STAT4: variants seen among roughly 807,000 people sequenced by gnomAD.
STAT4 encodes signal transducer and activator of transcription 4.
Under a neutral mutation model 110.5 loss-of-function variants are expected in STAT4, and 42 were observed. The ratio of observed to expected loss-of-function variants is 0.38; its 90% CI spans 0.30 to 0.49. The LOEUF is 0.49. Among genes scored for constraint, STAT4 ranks in the 20% least tolerant of loss-of-function variants. The probability of loss-of-function intolerance (pLI) is 0.95; values close to 1 mark genes in which losing one functional copy is unlikely to be tolerated. For missense variants in STAT4, 632 were observed against 887.9 expected, an observed-to-expected ratio of 0.71 and a Z score of 3.66; for synonymous variants, 284 against 302.2, an observed-to-expected ratio of 0.94 and a Z score of 0.63.
At position 191,037,661 on chromosome 2, in the gene STAT4, CTTAGA is replaced by C. The variant is rs1696080093; in HGVS notation, c.1435-1367_1435-1363del. On this transcript the variant is annotated intron_variant, in intron 16 of 23. Transcript: ENST00000392320. The surrounding 1 kb of genome is among the most constrained non-coding windows in gnomAD (Gnocchi z 4.8). ...CGTTGTGAACAAGAGCTAAATTGGG[CTTAGA>C]TTAATCAAGAAAAAGAACCAATTCA... Among the ~76,000 whole-genome samples, 1 of 152,154 alleles carries C rather than the reference CTTAGA, an allele frequency of 6.6e-6. No individual in the cohort carries two copies. Among genetic ancestry groups the C allele is most frequent in the African/African-American group, 2.4e-5 (1 of 41,514 alleles).
Position 191,030,717 on chromosome 2 carries a change from A to G in STAT4, c.2220+255T>C, listed in dbSNP as rs1489842144. 1 of 390,406 alleles carries G rather than the reference A, an allele frequency of 2.6e-6. No individual in the cohort carries two copies. Among genetic ancestry groups the G allele is most frequent in the East Asian group, 5.4e-5 (1 of 18,424 alleles). The allele number at this position is 390,406 out of a possible 1,614,324, so 24.2% of individuals were successfully genotyped here. A position where few individuals can be genotyped will look rare whatever the true frequency, so the allele number is the denominator to read the frequency against. On this transcript the variant is annotated intron_variant, in intron 23 of 23. Coordinates refer to ENST00000392320, the MANE Select transcript of STAT4 (RefSeq NM_003151.4). This position sits in a 1 kb window ranked among gnomAD's most constrained non-coding sequence, Gnocchi z 4.4. ...TAGTGTGCTTGAGTAGGGTATAGGA[A>G]TATTTTGCCCTCTGGTGGTTTCTGG...
rs1696982922 is a variant in STAT4, at chr2:191,066,280, A to G, written c.630+150T>C. On this transcript the variant is annotated intron_variant, in intron 7 of 23. Transcript: ENST00000392320. This position sits in a 1 kb window ranked among gnomAD's most constrained non-coding sequence, Gnocchi z 4.3. Reference sequence around the variant, plus strand: ...AAACTCATGAAGAGAAGCATGGCAAACAGCGTGGGACTGTTCCTAGAAACC... The same window carrying G: ...AAACTCATGAAGAGAAGCATGGCAAGCAGCGTGGGACTGTTCCTAGAAACC... 5 of 664,414 alleles carry G rather than the reference A, an allele frequency of 7.5e-6. No homozygotes were observed. The Middle Eastern group carries it at 1.2e-3, about 166-fold the overall frequency. 41.2% of individuals were successfully genotyped at this position (664,414 alleles called of 1,614,324 possible). A position where few individuals can be genotyped will look rare whatever the true frequency, so the allele number is the denominator to read the frequency against.
intron 3 of STAT4, among the ~76,000 whole-genome samples, chr2:191,137,976 T>C (rs1030566841): frequency 1.3e-5 from 2 of 152,030 alleles, no homozygotes; most frequent in African/African-American, 4.8e-5. Flanking sequence ...TGACCTCAAA[T>C]GCACAGAAAA....
rs1251063095 is a variant in STAT4 at position 191,135,581 on chromosome 2, C to T, written c.273+11032G>A. 6.6e-6 allele frequency among the ~76,000 whole-genome samples: 1 copy of T among 152,146 alleles called. No homozygotes were observed. The highest frequency in any genetic ancestry group is 1.5e-5 in the Non-Finnish European group (1 of 68,014). The stretch of plus-strand genomic sequence containing the variant: ...CTCCGCCTCCCAGGCTCAAGTGATT[C>T]TCCTCCTCATGAGTAGCTGGGACTA... On this transcript the variant is annotated intron_variant, in intron 3 of 23. Coordinates refer to ENST00000392320, the MANE Select transcript of STAT4 (RefSeq NM_003151.4). The surrounding 1 kb of genome is among the most constrained non-coding windows in gnomAD (Gnocchi z 4.8).
chr2:191,109,573 A>T (rs1698372059), intron 3 of STAT4, among the ~76,000 whole-genome samples: 1 of 152,238 alleles, frequency 6.6e-6, no homozygotes. Flanking sequence ...TGTTGGGGTC[A>T]TATGCCTTGT....
intron 6 of STAT4, among the ~76,000 whole-genome samples, chr2:191,068,999 A>T (rs1038191290): frequency 3.3e-5 from 5 of 152,142 alleles, no homozygotes; most frequent in Admixed American, 3.3e-4. Context: ...CATTTATGCA[A>T]TTACTGAAAT....
Position 191,059,646 on chromosome 2 carries a change from C to T in STAT4, c.1035-877G>A, listed in dbSNP as rs3024863. On this transcript the variant is annotated intron_variant, in intron 10 of 23. Coordinates refer to ENST00000392320, the MANE Select transcript of STAT4 (RefSeq NM_003151.4). This position sits in a 1 kb window ranked among gnomAD's most constrained non-coding sequence, Gnocchi z 4.7. ...GTGGCTCTACATAAAAGGAGGGAGT[C>T]CAGGCACACAAATGGAAAACAGAGA... 0.014 allele frequency among the ~76,000 whole-genome samples: 2,136 copies of T among 152,238 alleles called. 51 individuals are homozygous for T. Among genetic ancestry groups the T allele is most frequent in the African/African-American group, 0.049 (2,054 of 41,512 alleles).
chr2:191,036,197 CTGAGT>C lies in STAT4; in HGVS notation c.1532_1536del (p.Asn511ArgfsTer15). 1 of 1,614,132 alleles carries C rather than the reference CTGAGT, an allele frequency of 6.2e-7. No homozygotes were observed. Among genetic ancestry groups the C allele is most frequent in the Middle Eastern group, 1.6e-4 (1 of 6,062 alleles). ...TTCTCTGCCAGCATATGGAGTTGAT[CTGAGT>C]TAAGACCACGACCAACGTACGATGA... On this transcript the variant is annotated frameshift_variant, in exon 17 of 24. Transcript: ENST00000392320. LOFTEE classifies it high-confidence loss of function.
intron 3 of STAT4, among the ~76,000 whole-genome samples, chr2:191,124,222 G>A (rs966705267): frequency 2.0e-5 from 3 of 152,046 alleles, no homozygotes; most frequent in Non-Finnish European, 2.9e-5. Context: ...CTTGGGACGC[G>A]GAGGCTGGCG....
At position 191,032,244 on chromosome 2, in the gene STAT4, A is replaced by C. The variant is rs1695916797; in HGVS notation, c.2044+714T>G. Reference sequence around the variant, plus strand: ...ATATTCTACATGATGGTGCCCAAAGATTTAGTGCTATAGATGAAGATTTTT... The same window carrying C: ...ATATTCTACATGATGGTGCCCAAAGCTTTAGTGCTATAGATGAAGATTTTT... On this transcript the variant is annotated intron_variant, in intron 21 of 23. Transcript: ENST00000392320. The surrounding 1 kb of genome is among the most constrained non-coding windows in gnomAD (Gnocchi z 4.9). 1 of 152,254 alleles carries C rather than the reference A, an allele frequency of 6.6e-6. No homozygotes were observed. The highest frequency in any genetic ancestry group is 2.4e-5 in the African/African-American group (1 of 41,442). The allele number at this position is 152,254 out of a possible 1,614,324, so 9.4% of individuals were successfully genotyped here.
rs890088387 is a variant in STAT4 at position 191,138,697 on chromosome 2, A to G, written c.273+7916T>C. On this transcript the variant is annotated intron_variant, in intron 3 of 23. Coordinates refer to ENST00000392320, the MANE Select transcript of STAT4 (RefSeq NM_003151.4). This position sits in a 1 kb window ranked among gnomAD's most constrained non-coding sequence, Gnocchi z 4.3. Reference sequence around the variant, plus strand: ...AGACATTCAAAGAAGAATTGGTACCAGTCCCACTGAAACTATTGCAAAAGA... The same window carrying G: ...AGACATTCAAAGAAGAATTGGTACCGGTCCCACTGAAACTATTGCAAAAGA... Among the ~76,000 whole-genome samples the G allele has an allele frequency of 1.3e-5, 2 of 152,190 alleles. No individual in the cohort carries two copies. Among genetic ancestry groups the G allele is most frequent in the Non-Finnish European group, 2.9e-5 (2 of 68,026 alleles).
At chr2:191,087,688 T>C (rs1697671516) in intron 3 of STAT4, among the ~76,000 whole-genome samples, 1 of 152,190 alleles carries the variant, frequency 6.6e-6, no homozygotes, top group Admixed American at 6.6e-5. Flanking sequence ...GTAATTTTTC[T>C]TAATGGCTTC....
chr2:191,065,183 C>T (rs183541438), intron 7 of STAT4, among the ~76,000 whole-genome samples: 1 of 152,034 alleles, frequency 6.6e-6, no homozygotes, highest in Admixed American at 6.6e-5. Flanking sequence ...ACATTCTCAT[C>T]GTGTTTCAGT....
chr2:191,043,026 G>A lies in STAT4; in HGVS notation c.1252-1878C>T, dbSNP rs1047510852. Among the ~76,000 whole-genome samples the A allele has an allele frequency of 2.0e-5, 3 of 152,106 alleles. No individual in the cohort carries two copies. Among genetic ancestry groups the A allele is most frequent in the Non-Finnish European group, 2.9e-5 (2 of 68,014 alleles). On this transcript the variant is annotated intron_variant, in intron 14 of 23. Coordinates refer to ENST00000392320, the MANE Select transcript of STAT4 (RefSeq NM_003151.4). This position sits in a 1 kb window ranked among gnomAD's most constrained non-coding sequence, Gnocchi z 4.8. ...ACTCCCGACCTCAGGTGATCCACCC[G>A]CCTTGGCCTCCCAAAGTGCTGGGAT... is the stretch of plus-strand genomic sequence containing the variant.
Position 191,066,556 on chromosome 2 carries a change from C to A in STAT4, c.545-41G>T. The A allele has an allele frequency of 6.3e-7, 1 of 1,585,726 alleles. No individual in the cohort carries two copies. The highest frequency in any genetic ancestry group is 8.6e-7 in the Non-Finnish European group (1 of 1,157,876). Reference sequence around the variant, plus strand: ...GATCAGATTTAGAGTTCTCTCTATTCCTGAAAGTCAAGTCAGCCTCAATCC... The same window carrying A: ...GATCAGATTTAGAGTTCTCTCTATTACTGAAAGTCAAGTCAGCCTCAATCC... On this transcript the variant is annotated intron_variant, in intron 6 of 23. Transcript: ENST00000392320. The surrounding 1 kb of genome is among the most constrained non-coding windows in gnomAD (Gnocchi z 4.3).
rs958399802 is a variant in STAT4, at chr2:191,140,536, A to G, written c.273+6077T>C. On this transcript the variant is annotated intron_variant, in intron 3 of 23. Coordinates refer to ENST00000392320, the MANE Select transcript of STAT4 (RefSeq NM_003151.4). This position sits in a 1 kb window ranked among gnomAD's most constrained non-coding sequence, Gnocchi z 4.4. ...AGTAAAATACAAATTAAAAACCACA[A>G]TGAGATACCACCTTACTCCTGCGAG... Among the ~76,000 whole-genome samples, 1 of 152,202 alleles carries G rather than the reference A, an allele frequency of 6.6e-6. No individual in the cohort carries two copies. The highest frequency in any genetic ancestry group is 6.5e-5 in the Admixed American group (1 of 15,280).
At chr2:191,122,074 G>C (rs532171234) in intron 3 of STAT4, 1 of 152,084 alleles carries the variant, frequency 6.6e-6, no homozygotes, top group South Asian at 2.1e-4. Flanking sequence ...GTAACTCAAA[G>C]GGGAAGTGCT....
At position 191,061,662 on chromosome 2, in the gene STAT4, T is replaced by G; in HGVS notation, c.1034+67A>C. On this transcript the variant is annotated intron_variant, in intron 10 of 23. Transcript: ENST00000392320. This position sits in a 1 kb window ranked among gnomAD's most constrained non-coding sequence, Gnocchi z 6.2. ...GAATGCAAGCCACAATGAGAGAAATTGGCCTTGATCATCCAGAGACTATAG... is the reference window on the plus strand; with the variant it reads ...GAATGCAAGCCACAATGAGAGAAATGGGCCTTGATCATCCAGAGACTATAG... 7.2e-7 allele frequency: 1 copy of G among 1,396,440 alleles called. No individual in the cohort carries two copies. The allele number at this position is 1,396,440 out of a possible 1,614,324, so 86.5% of individuals were successfully genotyped here.
At chr2:191,076,384 A>G (rs1574133549) in intron 3 of STAT4, 59 bp from the exon 4 acceptor site, 1 of 1,246,002 alleles carries the variant, frequency 8.0e-7, no homozygotes, top group African/African-American at 1.5e-5. Context: ...TATGTATCAT[A>G]AGAAAATATC....
Sources: gnomAD v4.1 joint callset for allele counts (sites outside exome capture counted in the v4.1 genomes callset) on GRCh38, gnomAD v4.1.1 for gene constraint, Gnocchi (gnomAD v3.1) non-coding constraint, MANE v1.5 for transcripts, NCBI Gene and HGNC (gene_info 2026-07-23, HGNC 2026-07-21) for gene names.